NAV1: variants seen among roughly 807,000 people sequenced by gnomAD.
NAV1 encodes neuron navigator 1.
Under a neutral mutation model 175.2 loss-of-function variants are expected in NAV1, and 18 were observed. The observed-to-expected ratio is 0.10, with a 90% confidence interval of 0.07 to 0.15. The LOEUF (loss-of-function observed/expected upper bound fraction) is 0.15, where lower values mean the gene tolerates loss of function less well. NAV1 is among the 10% of genes least tolerant of loss of function. The probability of loss-of-function intolerance (pLI) is 1.00; values close to 1 mark genes in which losing one functional copy is unlikely to be tolerated. For missense variants in NAV1, 1,731 were observed against 2,436.6 expected, an observed-to-expected ratio of 0.71 and a Z score of 6.10; for synonymous variants, 897 against 978.7, an observed-to-expected ratio of 0.92 and a Z score of 1.56.
chr1:201,783,362 C>A, intron 6 of NAV1, 44 bp from the exon 11 acceptor site: 2 of 1,577,368 alleles, frequency 1.3e-6, no homozygotes, highest in South Asian at 1.1e-5. Flanking sequence ...GCCTCTCACT[C>A]TGTAATTCTA....
chr1:201,649,068 C>G (rs370589427), exon 1 of NAV1: 2 of 1,613,316 alleles, frequency 1.2e-6, no homozygotes, highest in African/African-American at 2.7e-5. Flanking sequence ...TGAAGCTCCG[C>G]TGATGTCCAA....
At chr1:201,652,704 T>C (rs955549474) in intron 1 of NAV1, among the ~76,000 whole-genome samples, 2 of 152,034 alleles carry the variant, frequency 1.3e-5, no homozygotes, top group African/African-American at 4.8e-5. Flanking sequence ...CCTTACCCCC[T>C]AGGGATGGGA....
In NAV1 at chr1:201,810,202, GA is replaced by G; in HGVS notation, c.4561+98del. 6.8e-7 allele frequency: 1 copy of G among 1,477,310 alleles called. No homozygotes were observed. The highest frequency in any genetic ancestry group is 9.2e-7 in the Non-Finnish European group (1 of 1,082,146). 91.5% of individuals were successfully genotyped at this position (1,477,310 alleles called of 1,614,324 possible). ...TGCATTCATTCACCAAGAACTCACTGAGAAGGTATAATATGAAGATGCTTAA... is the reference window on the plus strand; with the variant it reads ...TGCATTCATTCACCAAGAACTCACTGGAAGGTATAATATGAAGATGCTTAA... On this transcript the variant is annotated intron_variant, in intron 23 of 29. Transcript: ENST00000367296. This position sits in a 1 kb window ranked among gnomAD's most constrained non-coding sequence, Gnocchi z 6.0.
chr1:201,748,864 C>T (rs1406052182), intron 3 of NAV1, among the ~76,000 whole-genome samples: 2 of 152,132 alleles, frequency 1.3e-5, no homozygotes, highest in Non-Finnish European at 2.9e-5. Context: ...AAGACTCTCT[C>T]TGGCCCAGCG....
At chr1:201,674,391 TG>T (rs879937362) in intron 1 of NAV1, among the ~76,000 whole-genome samples, 5 of 136,258 alleles carry the variant, frequency 3.7e-5, no homozygotes, top group Non-Finnish European at 6.4e-5. Flanking sequence ...GAGTGTGTGT[TG>T]GGGGGGGTTG....
chr1:201,648,175 T>G, upstream of NAV1: 3 of 919,270 alleles, frequency 3.3e-6, no homozygotes, highest in South Asian at 1.5e-4. Context: ...TGCTCGGAGC[T>G]GCAGCCTGCA....
chr1:201,621,324 T>C (rs1302139572), upstream of NAV1, among the ~76,000 whole-genome samples: 8 of 149,040 alleles, frequency 5.4e-5, no homozygotes, highest in African/African-American at 2.0e-4. Flanking sequence ...GCAAGTTTTC[T>C]TTTCTTTCTT....
intron 1 of NAV1, among the ~76,000 whole-genome samples, chr1:201,555,974 A>G (rs549465568): frequency 1.6e-4 from 24 of 152,210 alleles, no homozygotes; most frequent in Admixed American, 1.2e-3. Flanking sequence ...GAGGTATTTG[A>G]GTTGGGAGAC....
chr1:201,779,788 C>T (rs1676201762), intron 3 of NAV1, among the ~76,000 whole-genome samples: 1 of 151,994 alleles, frequency 6.6e-6, no homozygotes, highest in African/African-American at 2.4e-5. Context: ...AAGCAATTGG[C>T]AGAGAAATGA....
At chr1:201,789,819 C>G in intron 11 of NAV1, 27 bp downstream of exon 15, 1 of 1,604,758 alleles carries the variant, frequency 6.2e-7, no homozygotes. Context: ...CTCTTCCCCT[C>G]TCATCCCCTC....
At chr1:201,759,535 T>G (rs941244147) in intron 3 of NAV1, among the ~76,000 whole-genome samples, 2 of 152,246 alleles carry the variant, frequency 1.3e-5, no homozygotes, top group African/African-American at 2.4e-5. Flanking sequence ...CATGAATCTT[T>G]TCAGTAAAAC....
chr1:201,577,604 G>C (rs1323287528), intron 1 of NAV1, among the ~76,000 whole-genome samples: 2 of 151,502 alleles, frequency 1.3e-5, no homozygotes, highest in Non-Finnish European at 2.9e-5. Flanking sequence ...TATTTGTGTG[G>C]GTCTGTTTCT....
At chr1:201,783,485 T>C (rs1676475385) in exon 7 of NAV1, 1 of 1,614,058 alleles carries the variant, frequency 6.2e-7, no homozygotes, top group African/African-American at 1.3e-5. Flanking sequence ...GGATCTACCA[T>C]CATCCAGTGA....
intron 1 of NAV1, among the ~76,000 whole-genome samples, chr1:201,668,731 G>A (rs1312449348): frequency 2.6e-5 from 4 of 152,248 alleles, no homozygotes; most frequent in East Asian, 3.9e-4. Context: ...TCCTAGTCTC[G>A]TGGGCTTTTA....
intron 3 of NAV1, among the ~76,000 whole-genome samples, chr1:201,766,044 C>G (rs1380433874): frequency 6.6e-6 from 1 of 152,202 alleles, no homozygotes; most frequent in African/African-American, 2.4e-5. Flanking sequence ...TAAGAGCTTA[C>G]TGCCAATATA....
intron 1 of NAV1, among the ~76,000 whole-genome samples, chr1:201,581,538 C>T (rs1158609958): frequency 1.3e-5 from 2 of 152,072 alleles, no homozygotes; most frequent in South Asian, 4.2e-4. Context: ...TAGTTAAAAA[C>T]AGAGCTCCGG....
At chr1:201,779,964 C>T (rs930163535) in intron 3 of NAV1, among the ~76,000 whole-genome samples, 2 of 152,034 alleles carry the variant, frequency 1.3e-5, no homozygotes, top group Non-Finnish European at 2.9e-5. Context: ...CTAAGAGGTT[C>T]TAGAAAAGAG....
intron 1 of NAV1, among the ~76,000 whole-genome samples, chr1:201,658,284 C>T (rs1264214983): frequency 3.3e-5 from 5 of 152,050 alleles, no homozygotes; most frequent in Non-Finnish European, 7.4e-5. Flanking sequence ...TGTCCAGGCT[C>T]ATTCCAGTAC....
At chr1:201,577,472 A>ATTTTTT (rs36112197) in intron 1 of NAV1, among the ~76,000 whole-genome samples, 39 of 97,844 alleles carry the variant, frequency 4.0e-4, no homozygotes, top group East Asian at 1.3e-3. Context: ...TGAGACTTAG[A>ATTTTTT]TTTTTTTTTT....
Sources: gnomAD v4.1 joint callset for allele counts (sites outside exome capture counted in the v4.1 genomes callset) on GRCh38, gnomAD v4.1.1 for gene constraint, Gnocchi (gnomAD v3.1) non-coding constraint, MANE v1.5 for transcripts, NCBI Gene and HGNC (gene_info 2026-07-23, HGNC 2026-07-21) for gene names.